The following DHX32 variants were observed in gnomAD, a reference collection of about 807,000 sequenced individuals.
DHX32 encodes the protein DEAH-box helicase 32 (putative).
Under a neutral mutation model 70.0 loss-of-function variants are expected in DHX32, and 51 were observed. The observed-to-expected ratio is 0.73, with a 90% confidence interval of 0.58 to 0.92. DHX32 has a LOEUF of 0.92. DHX32 is among the 40% of genes least tolerant of loss of function. The pLI, the probability that DHX32 is intolerant of heterozygous loss-of-function variation, is 0.00. For synonymous variants in DHX32, 310 were observed against 315.3 expected (o/e 0.98, Z 0.18); for missense variants, 762 against 891.8 (o/e 0.85, Z 1.85).
upstream of DHX32, among the ~76,000 whole-genome samples, chr10:125,881,863 G>A (rs1418827847): frequency 2.6e-5 from 4 of 152,112 alleles, no homozygotes; most frequent in East Asian, 1.9e-4. Flanking sequence ...GGCTAGTTTC[G>A]AACTCCTGGG....
In DHX32 at chr10:125,864,775, A is replaced by G. The variant is rs201915767; in HGVS notation, c.476+2215T>C. On this transcript the variant is annotated intron_variant, in intron 2 of 10. Coordinates refer to ENST00000284690, the MANE Select transcript of DHX32 (RefSeq NM_018180.3). ...GAAACCCCGTCTCTACTAAAAATAC[A>G]AAAAGTTAGCCAAGTGTGATGGTGC... Among the ~76,000 whole-genome samples, 10 of 151,930 alleles carry G rather than the reference A, an allele frequency of 6.6e-5. No individual in the cohort carries two copies. In the East Asian group the frequency reaches 1.7e-3, roughly 27 times the overall value.
chr10:125,862,324 A>G (rs1291614919), intron 2 of DHX32, among the ~76,000 whole-genome samples: 1 of 152,194 alleles, frequency 6.6e-6, no homozygotes, highest in Non-Finnish European at 1.5e-5. Flanking sequence ...TCAAATGAGC[A>G]GTGATAAATT....
upstream of DHX32, among the ~76,000 whole-genome samples, chr10:125,883,599 T>C (rs557450633): frequency 2.0e-5 from 3 of 152,122 alleles, no homozygotes; most frequent in Non-Finnish European, 4.4e-5. Context: ...CCCAGCCAAC[T>C]GAGCAGAAGC....
At chr10:125,860,014 C>A in intron 2 of DHX32, 39 bp from the exon 3 acceptor site, 1 of 1,475,010 alleles carries the variant, frequency 6.8e-7, no homozygotes, top group South Asian at 1.5e-5. Flanking sequence ...TATTCTTATG[C>A]TAACTCATGC....
At chr10:125,868,876 G>A (rs1483090860) in intron 1 of DHX32, among the ~76,000 whole-genome samples, 2 of 152,034 alleles carry the variant, frequency 1.3e-5, no homozygotes, top group East Asian at 1.9e-4. Context: ...CTAGATCCAC[G>A]GTGTGCTTCC....
chr10:125,864,045 G>A (rs1170303379), intron 2 of DHX32, among the ~76,000 whole-genome samples: 1 of 152,138 alleles, frequency 6.6e-6, no homozygotes, highest in Admixed American at 6.5e-5. Context: ...GTAAGTGGTG[G>A]AGACACCCTT....
At chr10:125,857,066 G>A (rs1308485709) in intron 3 of DHX32, among the ~76,000 whole-genome samples, 1 of 152,174 alleles carries the variant, frequency 6.6e-6, no homozygotes, top group Non-Finnish European at 1.5e-5. Context: ...GCTTTATATA[G>A]AAATCAAGAA....
Position 125,880,879 on chromosome 10 carries a change from C to T in DHX32, c.-55G>A, listed in dbSNP as rs927416021. The T allele has an allele frequency of 4.5e-6, 7 of 1,564,474 alleles. No individual in the cohort carries two copies. Among genetic ancestry groups the T allele is most frequent in the Non-Finnish European group, 6.0e-6 (7 of 1,158,758 alleles). On this transcript the variant is annotated 5_prime_UTR_variant, in exon 1 of 11. The change abolishes the stop of an existing upstream ORF in the 5' untranslated region. Transcript: ENST00000284690. ...CATTCCACAAGCAAGTTTCTCCTAT[C>T]AGTAACCCATTGCAAACAGGGCTTA... is the stretch of plus-strand genomic sequence containing the variant.
At position 125,838,301 on chromosome 10, in the gene DHX32, T is replaced by C. The variant is rs774541874; in HGVS notation, c.1968A>G (p.Ser656=). The C allele has an allele frequency of 6.2e-7, 1 of 1,614,018 alleles. No individual in the cohort carries two copies. ...VAQLHPLSGY[S]ITKKMPEWVL... ...CCCACTCTGGCATCTTCTTGGTGAT[T>C]GAGTAACCAGACAGGGGATGCAGCT... is the stretch of plus-strand genomic sequence containing the variant. The change falls in exon 10 of 11, where the codon TCA becomes TCG. Residue 656 remains serine, a synonymous_variant. Transcript: ENST00000284690.
At chr10:125,853,149 C>T (rs776440530) in intron 4 of DHX32, 4 of 1,611,632 alleles carry the variant, frequency 2.5e-6, no homozygotes, top group Non-Finnish European at 3.4e-6. Flanking sequence ...CAAGTGACAG[C>T]CCTGGTTTCT....
At position 125,867,072 on chromosome 10, in the gene DHX32, C is replaced by A; in HGVS notation, c.394G>T (p.Asp132Tyr). Residue 132 changes from aspartate (D) to tyrosine (Y), a missense_variant, in exon 2 of 11, where the codon GAT (aspartate) becomes TAT (tyrosine). Asp to Tyr is a radical substitution (Grantham distance 160). Transcript: ENST00000284690. ...TVVQLALRVA[D>Y]EMDVNIGHEV... is the part of the protein sequence containing the mutation. The stretch of plus-strand genomic sequence containing the variant: ...TGACCAATGTTAACATCCATTTCAT[C>A]CGCCACCCGCAGGGCGAGCTGGACC... 1 of 1,614,200 alleles carries A rather than the reference C, an allele frequency of 6.2e-7. No individual in the cohort carries two copies. The highest frequency in any genetic ancestry group is 8.5e-7 in the Non-Finnish European group (1 of 1,180,044).
chr10:125,895,534 TA>T (rs1298811744), intron 1 of DHX32, among the ~76,000 whole-genome samples: 1 of 152,248 alleles, frequency 6.6e-6, no homozygotes, highest in African/African-American at 2.4e-5. Flanking sequence ...TTTGAATTTT[TA>T]CAACCTACCA....
chr10:125,872,211 C>G (rs1944260197), intron 1 of DHX32, among the ~76,000 whole-genome samples: 1 of 152,126 alleles, frequency 6.6e-6, no homozygotes, highest in South Asian at 2.1e-4. Context: ...CCAGTTGCAT[C>G]TTTGTCTTCT....
intron 7 of DHX32, chr10:125,841,469 G>T: frequency 6.8e-7 from 1 of 1,475,940 alleles, no homozygotes; most frequent in Non-Finnish European, 9.0e-7. Flanking sequence ...CATCTGCACT[G>T]ATTATTTCAG....
chr10:125,888,428 G>T (rs1268897186), intron 1 of DHX32, among the ~76,000 whole-genome samples: 2 of 151,870 alleles, frequency 1.3e-5, no homozygotes, highest in Non-Finnish European at 2.9e-5. Flanking sequence ...GGCTGGCAGT[G>T]AATTTTTTTG....
intron 1 of DHX32, among the ~76,000 whole-genome samples, chr10:125,873,171 C>T (rs938808179): frequency 6.6e-6 from 1 of 152,208 alleles, no homozygotes; most frequent in African/African-American, 2.4e-5. Context: ...ATCACTGCCA[C>T]TGTGGCAAGA....
intron 6 of DHX32, among the ~76,000 whole-genome samples, chr10:125,847,314 C>G (rs1428409000): frequency 6.6e-6 from 1 of 152,174 alleles, no homozygotes; most frequent in Non-Finnish European, 1.5e-5. Context: ...TACCTCAGTT[C>G]CCTTATCATA....
intron 7 of DHX32, 159 bp from the exon 8 acceptor site, chr10:125,841,155 TAG>T: frequency 7.2e-7 from 1 of 1,382,036 alleles, no homozygotes. Context: ...CCCAGAAATT[TAG>T]AGTGAGTCAT....
At chr10:125,837,705 A>G (rs768585017) in intron 10 of DHX32, among the ~76,000 whole-genome samples, 3 of 152,210 alleles carry the variant, frequency 2.0e-5, no homozygotes, top group Non-Finnish European at 4.4e-5. Flanking sequence ...CTGGCCAGCT[A>G]CAGTGATCCT....
Sources: allele counts gnomAD v4.1 joint callset (sites outside exome capture counted in the v4.1 genomes callset), GRCh38; gene constraint gnomAD v4.1.1; transcripts MANE v1.5; gene names NCBI Gene and HGNC (gene_info 2026-07-23, HGNC 2026-07-21).